PLD5: variants seen among roughly 807,000 people sequenced by gnomAD.
PLD5 encodes inactive phospholipase D5.
In PLD5, 36 loss-of-function variants were observed where a neutral mutation model predicts 61.1. The ratio of observed to expected loss-of-function variants is 0.59; its 90% CI spans 0.45 to 0.78. The LOEUF is 0.78. Among genes scored for constraint, PLD5 ranks in the 30% least tolerant of loss-of-function variants. PLD5 has a pLI of 0.00. For missense variants in PLD5, 515 were observed against 644.4 expected, an observed-to-expected ratio of 0.80 and a Z score of 2.17; for synonymous variants, 243 against 242.8, an observed-to-expected ratio of 1.00 and a Z score of -0.01.
At chr1:242,111,248 G>T (rs963197935) in intron 7 of PLD5, among the ~76,000 whole-genome samples, 2 of 151,992 alleles carry the variant, frequency 1.3e-5, no homozygotes, top group Non-Finnish European at 2.9e-5. Flanking sequence ...GTAGAGATGG[G>T]TTTTCACCAT....
At chr1:242,374,127 A>G (rs1293199707) in intron 1 of PLD5, among the ~76,000 whole-genome samples, 1 of 152,150 alleles carries the variant, frequency 6.6e-6, no homozygotes, top group Non-Finnish European at 1.5e-5. Context: ...CAGGCTGTGC[A>G]TACATCTTCC....
chr1:242,434,078 C>T (rs1265542377), intron 1 of PLD5, among the ~76,000 whole-genome samples: 1 of 152,210 alleles, frequency 6.6e-6, no homozygotes, highest in East Asian at 1.9e-4. Flanking sequence ...ATATACCTTT[C>T]AGAAGACTGA....
chr1:242,317,401 TTATC>T lies in PLD5; in HGVS notation c.327-28875_327-28872del, dbSNP rs571764271. Among the ~76,000 whole-genome samples, 6 of 152,348 alleles carry T rather than the reference TTATC, an allele frequency of 3.9e-5. No individual in the cohort carries two copies. The South Asian group carries it at 6.2e-4, about 16-fold the overall frequency. On this transcript the variant is annotated intron_variant, in intron 2 of 9. Transcript: ENST00000536534. ...ATGCATAACATTTAATAATTTTAAA[TTATC>T]TAACACATTCACTTCATTTTTTTAT... is the stretch of plus-strand genomic sequence containing the variant.
chr1:242,443,900 A>G (rs1451752123), intron 1 of PLD5, among the ~76,000 whole-genome samples: 2 of 152,206 alleles, frequency 1.3e-5, no homozygotes, highest in Non-Finnish European at 1.5e-5. Flanking sequence ...TACCATCAAC[A>G]TCAGACTTAA....
At chr1:242,117,671 G>T (rs1041295335) in intron 6 of PLD5, among the ~76,000 whole-genome samples, 16 of 152,210 alleles carry the variant, frequency 1.1e-4, no homozygotes, top group Admixed American at 1.0e-3. Flanking sequence ...GAGCTACCAC[G>T]CCTGGCAATG....
intron 1 of PLD5, among the ~76,000 whole-genome samples, chr1:242,438,366 C>T (rs1666106442): frequency 6.6e-6 from 1 of 150,830 alleles, no homozygotes; most frequent in Non-Finnish European, 1.5e-5. Flanking sequence ...CGGGTTCAAG[C>T]AATTCTCCTG....
intron 4 of PLD5, among the ~76,000 whole-genome samples, chr1:242,221,508 A>G (rs1419823640): frequency 1.3e-5 from 2 of 152,222 alleles, no homozygotes; most frequent in African/African-American, 4.8e-5. Flanking sequence ...AACTCTTAGG[A>G]AAATGTAAAC....
intron 4 of PLD5, among the ~76,000 whole-genome samples, chr1:242,236,904 G>A (rs1352277030): frequency 2.0e-5 from 3 of 152,194 alleles, no homozygotes; most frequent in African/African-American, 7.2e-5. Flanking sequence ...GTTGAAGCCT[G>A]CCAAGGAAGA....
chr1:242,198,168 C>G (rs1668760948), intron 5 of PLD5, among the ~76,000 whole-genome samples: 1 of 152,140 alleles, frequency 6.6e-6, no homozygotes, highest in African/African-American at 2.4e-5. Context: ...TAGTTTGCGG[C>G]AGGCCAAGTG....
intron 4 of PLD5, among the ~76,000 whole-genome samples, chr1:242,228,557 T>C (rs150105224): frequency 6.6e-6 from 1 of 152,216 alleles, no homozygotes; most frequent in Non-Finnish European, 1.5e-5. Context: ...TAAAAGCAGC[T>C]GTGTTGGGAA....
intron 4 of PLD5, among the ~76,000 whole-genome samples, chr1:242,229,984 G>A (rs1671198800): frequency 1.3e-5 from 2 of 152,070 alleles, no homozygotes; most frequent in South Asian, 4.1e-4. Context: ...ATCCCCAGGG[G>A]ATGTGCAGCA....
At chr1:242,218,258 A>G (rs537388128) in intron 5 of PLD5, among the ~76,000 whole-genome samples, 3 of 152,342 alleles carry the variant, frequency 2.0e-5, no homozygotes, top group African/African-American at 7.2e-5. Flanking sequence ...GTTATTTTCT[A>G]GCAATAAAGT....
chr1:242,362,140 A>C (rs1661104142), intron 1 of PLD5, among the ~76,000 whole-genome samples: 1 of 152,100 alleles, frequency 6.6e-6, no homozygotes, highest in Non-Finnish European at 1.5e-5. Context: ...TTTAAAACAA[A>C]ATCATGGTCA....
chr1:242,421,070 C>T (rs1193831334), intron 1 of PLD5, among the ~76,000 whole-genome samples: 2 of 150,242 alleles, frequency 1.3e-5, no homozygotes, highest in African/African-American at 4.9e-5. Flanking sequence ...GTCCCAGCTA[C>T]TCGGGAGGCT....
At chr1:242,159,435 G>A (rs1665653335) in intron 5 of PLD5, among the ~76,000 whole-genome samples, 1 of 152,152 alleles carries the variant, frequency 6.6e-6, no homozygotes, top group Admixed American at 6.5e-5. Flanking sequence ...TGGTGGTCTA[G>A]TAATGTGTTT....
intron 3 of PLD5, among the ~76,000 whole-genome samples, chr1:242,285,454 C>T (rs2754461): frequency 6.6e-6 from 1 of 152,194 alleles, no homozygotes; most frequent in East Asian, 1.9e-4. Context: ...GCCAAGATCA[C>T]ACCACCACAC....
chr1:242,365,836 C>T (rs1042050692), intron 1 of PLD5: 8 of 155,302 alleles, frequency 5.2e-5, no homozygotes, highest in African/African-American at 7.2e-5. Context: ...AAGACACATT[C>T]GAATAAATTC....
chr1:242,223,645 G>T (rs1043909832), intron 4 of PLD5, among the ~76,000 whole-genome samples: 4 of 152,008 alleles, frequency 2.6e-5, no homozygotes, highest in African/African-American at 7.3e-5. Flanking sequence ...TCTATTTTAG[G>T]ACACGATAAA....
At chr1:242,251,118 T>C (rs1440517664) in intron 4 of PLD5, among the ~76,000 whole-genome samples, 1 of 152,134 alleles carries the variant, frequency 6.6e-6, no homozygotes, top group Non-Finnish European at 1.5e-5. Flanking sequence ...GATTTTGAGG[T>C]ATTCCGTGAA....
Sources: gnomAD v4.1 joint callset for allele counts (sites outside exome capture counted in the v4.1 genomes callset) on GRCh38, gnomAD v4.1.1 for gene constraint, MANE v1.5 for transcripts, NCBI Gene and HGNC (gene_info 2026-07-23, HGNC 2026-07-21) for gene names.